The following CYP24A1 variants were observed in gnomAD, a reference collection of about 807,000 sequenced individuals.
CYP24A1 encodes the protein 1,25-dihydroxyvitamin D(3) 24-hydroxylase, mitochondrial.
In CYP24A1, 68 loss-of-function variants were observed where a neutral mutation model predicts 62.4. The ratio of observed to expected loss-of-function variants is 1.09; its 90% CI spans 0.90 to 1.33. CYP24A1 has a LOEUF of 1.33. CYP24A1 is among the 40% of genes most tolerant of loss of function. The probability of loss-of-function intolerance (pLI) is 0.00; values close to 1 mark genes in which losing one functional copy is unlikely to be tolerated. For synonymous variants in CYP24A1, 267 were observed against 253.0 expected (o/e 1.06, Z -0.52); for missense variants, 787 against 653.0 (o/e 1.21, Z -2.24).
chr20:54,158,103 A>T lies in CYP24A1; in HGVS notation c.1219T>A (p.Tyr407Asn), dbSNP rs140189382. The change falls in exon 9 of 12, where the codon TAT becomes AAT. Residue 407 changes from tyrosine to asparagine, a missense_variant. Coordinates refer to ENST00000216862, the MANE Select transcript of CYP24A1 (RefSeq NM_000782.5). The part of the protein sequence containing the change: ...TLDKATVLGE[Y>N]ALPKGTVLML... ...CTACTTACTCCTTTGGGTAAAGCAT[A>T]TTCACCCAGAACTGTTGCCTTGTCA... The T allele has an allele frequency of 7.2e-5, 116 of 1,613,866 alleles. No homozygotes were observed. Among genetic ancestry groups the T allele is most frequent in the Non-Finnish European group, 9.5e-5 (112 of 1,180,024 alleles).
rs777455497 is a variant in CYP24A1, at chr20:54,157,308, C to CA, written c.1435-20dup. 7.2e-6 allele frequency: 11 copies of CA among 1,524,062 alleles called. No individual in the cohort carries two copies. Among genetic ancestry groups the CA allele is most frequent in the Middle Eastern group, 1.7e-4 (1 of 5,918 alleles). The allele number at this position is 1,524,062 out of a possible 1,614,324, so 94.4% of individuals were successfully genotyped here. The stretch of plus-strand genomic sequence containing the variant: ...GGACAATCTGTAATGCACACGCACA[C>CA]AAAAACAGAATTACCCCTCTCTTCT... On this transcript the variant is annotated intron_variant, in intron 10 of 11. Transcript: ENST00000216862.
At chr20:54,157,084 C>A (rs113027638) in intron 11 of CYP24A1, 85 bp downstream of exon 11, 19 of 738,798 alleles carry the variant, frequency 2.6e-5, no homozygotes, top group African/African-American at 1.7e-4. Flanking sequence ...GGATTCAAAC[C>A]CCAGTCTGGC....
chr20:54,155,772 T>TAAG (rs2092625829), intron 11 of CYP24A1, among the ~76,000 whole-genome samples: 1 of 151,278 alleles, frequency 6.6e-6, no homozygotes, highest in African/African-American at 2.4e-5. Context: ...AGGGCCTTCT[T>TAAG]AGGCTAACTT....
rs763631953 is a variant in CYP24A1, at chr20:54,162,865, A to G, written c.845-3T>C. ...CCGGTTGTCGATACAAGCTTTGACT[A>G]TTAGAGCAGAGAAGAAAGAGAGGAA... is the stretch of plus-strand genomic sequence containing the variant. On this transcript the variant is annotated splice_polypyrimidine_tract_variant and splice_region_variant and intron_variant, in intron 6 of 11. Coordinates refer to ENST00000216862, the MANE Select transcript of CYP24A1 (RefSeq NM_000782.5). 4 of 1,554,062 alleles carry G rather than the reference A, an allele frequency of 2.6e-6. No individual in the cohort carries two copies. Among genetic ancestry groups the G allele is most frequent in the Admixed American group, 3.3e-5 (2 of 59,946 alleles).
chr20:54,152,052 C>G (rs1429690869), downstream of CYP24A1, among the ~76,000 whole-genome samples: 1 of 152,156 alleles, frequency 6.6e-6, no homozygotes, highest in East Asian at 1.9e-4. Flanking sequence ...GCAACCTGCT[C>G]AGGGAGGTGA....
At position 54,165,764 on chromosome 20, in the gene CYP24A1, T is replaced by C. The variant is rs957243894; in HGVS notation, c.710A>G (p.Asn237Ser). The stretch of plus-strand genomic sequence containing the variant: ...TACTGTTTTGATGGCCATGATGAAG[T>C]TCACAGCTTCATCCCCTGCATTCTT... The part of the protein sequence containing the change: ...LQKNAGDEAV[N>S]FIMAIKTMMS... Residue 237 changes from asparagine (N) to serine (S), a missense_variant, in exon 5 of 12, where the codon AAC becomes AGC. Transcript: ENST00000216862. The C allele has an allele frequency of 2.0e-6, 3 of 1,509,274 alleles. No individual in the cohort carries two copies. The highest frequency in any genetic ancestry group is 2.8e-6 in the Non-Finnish European group (3 of 1,084,134). The allele number at this position is 1,509,274 out of a possible 1,614,324, so 93.5% of individuals were successfully genotyped here. A position where few individuals can be genotyped will look rare whatever the true frequency, so the allele number is the denominator to read the frequency against.
At chr20:54,157,329 C>T (rs2092632333) in intron 10 of CYP24A1, 40 bp from the exon 11 acceptor site, 1 of 1,477,824 alleles carries the variant, frequency 6.8e-7, no homozygotes, top group Admixed American at 1.7e-5. Flanking sequence ...TTACCCCTCT[C>T]TTCTTCTGCC....
chr20:54,159,877 T>C (rs537286893), intron 7 of CYP24A1, among the ~76,000 whole-genome samples: 1 of 152,192 alleles, frequency 6.6e-6, no homozygotes, highest in African/African-American at 2.4e-5. Context: ...CTATTTTTTC[T>C]TAGAACTGAA....
Position 54,173,694 on chromosome 20 carries a change from GC to G in CYP24A1, c.-116del. 1 of 703,618 alleles carries G rather than the reference GC, an allele frequency of 1.4e-6. No individual in the cohort carries two copies. The highest frequency in any genetic ancestry group is 2.4e-6 in the Non-Finnish European group (1 of 418,142). 43.6% of individuals were successfully genotyped at this position (703,618 alleles called of 1,614,324 possible). A position where few individuals can be genotyped will look rare whatever the true frequency, so the allele number is the denominator to read the frequency against. ...ATTCTGGGAAAAGGAAGCAAAGAGGGCCAGCTGGTGTGATGGAGCGGGGTGA... is the reference window on the plus strand; with the variant it reads ...ATTCTGGGAAAAGGAAGCAAAGAGGGCAGCTGGTGTGATGGAGCGGGGTGA... On this transcript the variant is annotated 5_prime_UTR_variant, in exon 1 of 12. Coordinates refer to ENST00000216862, the MANE Select transcript of CYP24A1 (RefSeq NM_000782.5). The surrounding 1 kb of genome is among the most constrained non-coding windows in gnomAD (Gnocchi z 7.2).
At chr20:54,160,886 G>A (rs2092647850) in intron 7 of CYP24A1, among the ~76,000 whole-genome samples, 1 of 152,204 alleles carries the variant, frequency 6.6e-6, no homozygotes, top group African/African-American at 2.4e-5. Flanking sequence ...GAAGTGGCCT[G>A]GAAAACCTCA....
At chr20:54,166,322 T>C (rs915801474) in intron 4 of CYP24A1, among the ~76,000 whole-genome samples, 1 of 152,156 alleles carries the variant, frequency 6.6e-6, no homozygotes, top group Non-Finnish European at 1.5e-5. Flanking sequence ...TTTTTTTCCT[T>C]CCATTTCATC....
Position 54,158,894 on chromosome 20 carries a change from T to A in CYP24A1, c.1157+63A>T. On this transcript the variant is annotated intron_variant, in intron 8 of 11. Transcript: ENST00000216862. Reference sequence around the variant, plus strand: ...AGCCGCCCATGAGTAGGGGACCACTTGTTTTGTGTTTACGAGAACAGTGTT... The same window carrying A: ...AGCCGCCCATGAGTAGGGGACCACTAGTTTTGTGTTTACGAGAACAGTGTT... 1.9e-6 allele frequency: 3 copies of A among 1,613,474 alleles called. No individual in the cohort carries two copies. In the South Asian group the frequency reaches 3.3e-5, roughly 18 times the overall value.
At chr20:54,170,296 G>T (rs534785180) in intron 3 of CYP24A1, among the ~76,000 whole-genome samples, 1 of 152,290 alleles carries the variant, frequency 6.6e-6, no homozygotes, top group Admixed American at 6.5e-5. Context: ...AGGTCCATAT[G>T]GTACCAAACA....
At chr20:54,153,348 G>A (rs1036145418), downstream of CYP24A1, 1 of 152,170 alleles carries the variant, frequency 6.6e-6, no homozygotes, top group Non-Finnish European at 1.5e-5. Flanking sequence ...TTGTGATATA[G>A]GGCTTGTAGG....
In CYP24A1 at chr20:54,160,032, G is replaced by A. The variant is rs1377441188; in HGVS notation, c.991-909C>T. ...GAGGCTTTAAGAGAATGTTATAGTGGAAATGGACAATAAATGGCATTTCTG... is the reference window on the plus strand; with the variant it reads ...GAGGCTTTAAGAGAATGTTATAGTGAAAATGGACAATAAATGGCATTTCTG... On this transcript the variant is annotated intron_variant, in intron 7 of 11. Transcript: ENST00000216862. Among the ~76,000 whole-genome samples, 4 of 152,300 alleles carry A rather than the reference G, an allele frequency of 2.6e-5. No homozygotes were observed. The South Asian group carries it at 6.2e-4, about 24-fold the overall frequency.
rs1270304241 is a variant in CYP24A1 at position 54,157,552 on chromosome 20, A to G, written c.1270T>C (p.Ser424Pro). The G allele has an allele frequency of 1.9e-5, 31 of 1,602,026 alleles. No homozygotes were observed. The highest frequency in any genetic ancestry group is 2.7e-5 in the Non-Finnish European group (31 of 1,168,970). ...GAATCTTCAAAATTGTCTTCACTGG[A>G]TCCCAACACCTGGGTATTTAGCATG... ...VLMLNTQVLG[S>P]SEDNFEDSSQ... Residue 424 changes from serine (S) to proline (P), a missense_variant, in exon 10 of 12, where the codon TCC (serine) becomes CCC (proline). Physicochemically the swap from Ser to Pro is moderately conservative, Grantham distance 74. Transcript: ENST00000216862.
chr20:54,155,011 G>T (rs900375908), intron 11 of CYP24A1: 1 of 110,238 alleles, frequency 9.1e-6, no homozygotes, highest in Non-Finnish European at 1.9e-5. Flanking sequence ...TATCAAAGAA[G>T]TGTATTTAAA....
Position 54,157,475 on chromosome 20 carries a change from A to C in CYP24A1, c.1347T>G (p.Pro449=). ...CAACGCCAAATGGAAGATGCGCAAA[A>C]GGATTAATTTTTTCCTTCTCCTGAA... The part of the protein sequence containing the change: ...RWLQEKEKIN[P]FAHLPFGVGK... The change falls in exon 10 of 12, where the codon CCT becomes CCG. Residue 449 remains proline, a synonymous_variant. Transcript: ENST00000216862. The C allele has an allele frequency of 6.2e-7, 1 of 1,601,770 alleles. No individual in the cohort carries two copies. Among genetic ancestry groups the C allele is most frequent in the Non-Finnish European group, 8.6e-7 (1 of 1,168,628 alleles).
intron 7 of CYP24A1, among the ~76,000 whole-genome samples, chr20:54,162,263 T>A (rs2092653983): frequency 1.7e-5 from 2 of 115,766 alleles, no homozygotes; most frequent in East Asian, 2.9e-4. Context: ...TTACAGTAAG[T>A]AACAGCCACA....
Sources: gnomAD v4.1 joint callset for allele counts (sites outside exome capture counted in the v4.1 genomes callset) on GRCh38, gnomAD v4.1.1 for gene constraint, Gnocchi (gnomAD v3.1) non-coding constraint, MANE v1.5 for transcripts, NCBI Gene and HGNC (gene_info 2026-07-23, HGNC 2026-07-21) for gene names.